The following LEP variants were observed in gnomAD, a reference collection of about 807,000 sequenced individuals.
LEP encodes the protein leptin, also known as leptin (murine obesity homolog).
Under a neutral mutation model 9.8 loss-of-function variants are expected in LEP, and 6 were observed. The ratio of observed to expected loss-of-function variants is 0.61; its 90% confidence interval spans 0.34 to 1.21. The LOEUF (loss-of-function observed/expected upper bound fraction) is 1.21, where lower values mean the gene tolerates loss of function less well. LEP is among the 50% of genes most tolerant of loss of function. The pLI is 0.04. For missense variants in LEP, 134 were observed against 198.1 expected, an observed-to-expected ratio of 0.68 and a Z score of 1.94; for synonymous variants, 112 against 81.7, an observed-to-expected ratio of 1.37 and a Z score of -2.00.
intron 1 of LEP, among the ~76,000 whole-genome samples, chr7:128,242,996 G>T (rs112734810): frequency 6.6e-6 from 1 of 152,202 alleles, no homozygotes; most frequent in Admixed American, 6.5e-5. Flanking sequence ...CAAATTTTCC[G>T]GCAGTCAGTT....
At chr7:128,247,846 A>G (rs972862738) in intron 1 of LEP, among the ~76,000 whole-genome samples, 2 of 152,232 alleles carry the variant, frequency 1.3e-5, no homozygotes, top group Non-Finnish European at 2.9e-5. Flanking sequence ...AGGAAAACTG[A>G]GTCCCAGAGA....
rs1194674166 is a variant in LEP, at chr7:128,257,485, C to G, written c.*2722C>G. 1 of 149,288 alleles carries G rather than the reference C, an allele frequency of 6.7e-6. No individual in the cohort carries two copies. The highest frequency in any genetic ancestry group is 2.5e-5 in the African/African-American group (1 of 40,750). The allele number at this position is 149,288 out of a possible 1,614,324, so 9.2% of individuals were successfully genotyped here. A position where few individuals can be genotyped will look rare whatever the true frequency, so the allele number is the denominator to read the frequency against. On this transcript the variant is annotated 3_prime_UTR_variant, in exon 3 of 3. Coordinates refer to ENST00000308868, the MANE Select transcript of LEP (RefSeq NM_000230.3). ...TCGGGAGGCTGAGACAGGAGAATCG[C>G]TTAAACCTGGGAGGCGGAGAGTACA...
rs765418389 is a variant in LEP, at chr7:128,254,658, T to C, written c.399T>C (p.Gly133=). The C allele has an allele frequency of 6.2e-7, 1 of 1,613,860 alleles. No individual in the cohort carries two copies. The highest frequency in any genetic ancestry group is 1.7e-5 in the Admixed American group (1 of 60,006). Residue 133 remains glycine, a synonymous_variant, in exon 3 of 3, where the codon GGT becomes GGC. Transcript: ENST00000308868. ...TGGAGACCTTGGACAGCCTGGGGGG[T>C]GTCCTGGAAGCTTCAGGCTACTCCA... ...SGLETLDSLG[G]VLEASGYSTE... is the part of the protein sequence containing the mutation.
intron 1 of LEP, among the ~76,000 whole-genome samples, chr7:128,242,234 T>C (rs1298899138): frequency 6.6e-6 from 1 of 152,204 alleles, no homozygotes; most frequent in Admixed American, 6.5e-5. Flanking sequence ...TTAATTTCTG[T>C]TGGAAGGGTG....
rs993565873 is a variant in LEP, at chr7:128,251,978, C to T, written c.-28-13C>T. The T allele has an allele frequency of 3.7e-6, 6 of 1,611,692 alleles. 1 individual carries two copies. ...ACCGGCTCCTTGCAGTGTGTGGTTC[C>T]TTCTGTTTTCAGGCCCAAGAAGCCC... On this transcript the variant is annotated splice_polypyrimidine_tract_variant and intron_variant, in intron 1 of 2. Coordinates refer to ENST00000308868, the MANE Select transcript of LEP (RefSeq NM_000230.3).
At chr7:128,251,962 T>C (rs1436761302) in intron 1 of LEP, 29 bp from the exon 2 acceptor site, 5 of 1,581,406 alleles carry the variant, frequency 3.2e-6, no homozygotes, top group Non-Finnish European at 2.6e-6. Context: ...TACCGGCTCC[T>C]TGCAGTGTGT....
At chr7:128,253,945 C>T (rs1795304728) in intron 2 of LEP, among the ~76,000 whole-genome samples, 2 of 151,660 alleles carry the variant, frequency 1.3e-5, no homozygotes, top group African/African-American at 4.9e-5. Flanking sequence ...TGGGGGGCCT[C>T]ACTGAGGGTA....
chr7:128,252,682 G>A (rs1795289524), intron 2 of LEP, among the ~76,000 whole-genome samples: 1 of 152,072 alleles, frequency 6.6e-6, no homozygotes, highest in Non-Finnish European at 1.5e-5. Flanking sequence ...AGTGGGCCCT[G>A]ATCATGCCAC....
chr7:128,241,512 C>A (rs1795151303), intron 1 of LEP, among the ~76,000 whole-genome samples: 1 of 152,222 alleles, frequency 6.6e-6, no homozygotes, highest in Non-Finnish European at 1.5e-5. Context: ...TGCTGCTGGG[C>A]TGTGCCGGTG....
At position 128,254,868 on chromosome 7, in the gene LEP, G is replaced by A; in HGVS notation, c.*105G>A. 1 of 1,292,404 alleles carries A rather than the reference G, an allele frequency of 7.7e-7. No homozygotes were observed. Among genetic ancestry groups the A allele is most frequent in the Non-Finnish European group, 1.1e-6 (1 of 916,926 alleles). The allele number at this position is 1,292,404 out of a possible 1,614,324, so 80.1% of individuals were successfully genotyped here. On this transcript the variant is annotated 3_prime_UTR_variant, in exon 3 of 3. Coordinates refer to ENST00000308868, the MANE Select transcript of LEP (RefSeq NM_000230.3). The stretch of plus-strand genomic sequence containing the variant: ...GCATTGCATGGACACCCCTTATCCA[G>A]GACTCTGTCAATTTCCCTGACTCCT...
Position 128,254,514 on chromosome 7 carries a change from C to T in LEP, c.255C>T (p.Ile85=). 1 of 1,614,208 alleles carries T rather than the reference C, an allele frequency of 6.2e-7. No homozygotes were observed. The highest frequency in any genetic ancestry group is 8.5e-7 in the Non-Finnish European group (1 of 1,180,034). Residue 85 remains isoleucine, a synonymous_variant, in exon 3 of 3, where the codon ATC becomes ATT. Coordinates refer to ENST00000308868, the MANE Select transcript of LEP (RefSeq NM_000230.3). The part of the protein sequence containing the change: ...MDQTLAVYQQ[I]LTSMPSRNVI... ...AGACACTGGCAGTCTACCAACAGAT[C>T]CTCACCAGTATGCCTTCCAGAAACG...
chr7:128,251,272 G>A (rs1413452800), intron 1 of LEP, among the ~76,000 whole-genome samples: 2 of 152,192 alleles, frequency 1.3e-5, no homozygotes, highest in Non-Finnish European at 2.9e-5. Flanking sequence ...AGGGTAGAGA[G>A]CATCTGTTGT....
At chr7:128,252,636 TG>T (rs1475376531) in intron 2 of LEP, among the ~76,000 whole-genome samples, 1 of 151,832 alleles carries the variant, frequency 6.6e-6, no homozygotes, top group Non-Finnish European at 1.5e-5. Flanking sequence ...GAGGCTGAGA[TG>T]GAAGGATCAC....
chr7:128,249,777 C>T (rs542767893), intron 1 of LEP, among the ~76,000 whole-genome samples: 5 of 152,234 alleles, frequency 3.3e-5, no homozygotes, highest in African/African-American at 9.6e-5. Context: ...CAGATTCTTG[C>T]GAGCACTTTG....
chr7:128,241,795 G>A (rs929328132), intron 1 of LEP, among the ~76,000 whole-genome samples: 2 of 152,344 alleles, frequency 1.3e-5, no homozygotes, highest in East Asian at 3.9e-4. Flanking sequence ...CTGAATGAGA[G>A]GGGCTGTGTA....
At chr7:128,248,438 GAA>G (rs111544798) in intron 1 of LEP, among the ~76,000 whole-genome samples, 176 of 137,340 alleles carry the variant, frequency 1.3e-3, no homozygotes, top group African/African-American at 4.6e-3. Context: ...GTCTAAAAAA[GAA>G]AAAAAAAAAA....
At chr7:128,247,206 A>G (rs1183157094) in intron 1 of LEP, among the ~76,000 whole-genome samples, 1 of 151,920 alleles carries the variant, frequency 6.6e-6, no homozygotes, top group Non-Finnish European at 1.5e-5. Context: ...ACCCCAACCC[A>G]TGCTCTCCCC....
intron 1 of LEP, among the ~76,000 whole-genome samples, chr7:128,249,968 T>A (rs1795255472): frequency 6.6e-6 from 1 of 152,208 alleles, no homozygotes; most frequent in African/African-American, 2.4e-5. Flanking sequence ...AGGGGGCTTG[T>A]AAAACTGTTT....
intron 1 of LEP, among the ~76,000 whole-genome samples, chr7:128,241,871 C>T (rs771727892): frequency 1.3e-5 from 2 of 152,194 alleles, no homozygotes; most frequent in Non-Finnish European, 2.9e-5. Flanking sequence ...CAGGAAGACT[C>T]AAAATCTTCC....
Sources: allele counts gnomAD v4.1 joint callset (sites outside exome capture counted in the v4.1 genomes callset), GRCh38; gene constraint gnomAD v4.1.1; transcripts MANE v1.5; gene names NCBI Gene and HGNC (gene_info 2026-07-23, HGNC 2026-07-21).